MIR2052HG: variants seen among roughly 807,000 people sequenced by gnomAD.
MIR2052HG encodes the protein MIR2052 host gene.
At chr8:74,604,314 CA>C in intron 1 of MIR2052HG, 4 of 501,240 alleles carry the variant, frequency 8.0e-6, no homozygotes, top group East Asian at 5.0e-5. Context: ...GGGTGAAAGC[CA>C]AAAACTGCTG....
At chr8:74,722,862 G>A (rs1409614669) in intron 4 of MIR2052HG, among the ~76,000 whole-genome samples, 11 of 152,164 alleles carry the variant, frequency 7.2e-5, no homozygotes, top group African/African-American at 4.8e-5. Flanking sequence ...AAGATTACAC[G>A]GCTAGTATGT....
At chr8:74,647,596 A>G (rs1808703525) in intron 2 of MIR2052HG, among the ~76,000 whole-genome samples, 1 of 152,196 alleles carries the variant, frequency 6.6e-6, no homozygotes, top group African/African-American at 2.4e-5. Context: ...GAACTGAAAA[A>G]CTGAAATTGG....
chr8:74,698,110 T>C (rs1318067195), intron 2 of MIR2052HG, among the ~76,000 whole-genome samples: 7 of 152,132 alleles, frequency 4.6e-5, no homozygotes, highest in Non-Finnish European at 1.0e-4. Context: ...CAAACCATAC[T>C]GTAAGGCCAT....
In MIR2052HG at chr8:74,689,875, G is replaced by A. The variant is rs117129991; in HGVS notation, n.217-12504G>A. On this transcript the variant is annotated intron_variant and non_coding_transcript_variant, in intron 2 of 6. Transcript: ENST00000523442. ...TTCTGGGGATAGAGACATGAAGAAG[G>A]CAGAGACATTTTGTGACCTCACAGC... 3.9e-4 allele frequency among the ~76,000 whole-genome samples: 59 copies of A among 152,300 alleles called. No homozygotes were observed. The East Asian group carries it at 0.011, about 28-fold the overall frequency.
intron 2 of MIR2052HG, among the ~76,000 whole-genome samples, chr8:74,613,771 G>C (rs527744310): frequency 1.3e-4 from 20 of 152,332 alleles, no homozygotes; most frequent in African/African-American, 3.8e-4. Flanking sequence ...ACCGGCATAA[G>C]CTGCCATGCC....
chr8:74,623,343 C>T (rs757412363), intron 2 of MIR2052HG, among the ~76,000 whole-genome samples: 34 of 152,022 alleles, frequency 2.2e-4, no homozygotes, highest in African/African-American at 3.4e-4. Context: ...ACATTTTACA[C>T]GGAGGGAACA....
chr8:74,747,970 A>G (rs575452813), intron 4 of MIR2052HG, among the ~76,000 whole-genome samples: 2 of 152,178 alleles, frequency 1.3e-5, no homozygotes, highest in South Asian at 4.1e-4. Flanking sequence ...CAAATTTTTC[A>G]TTCTCATGGT....
intron 4 of MIR2052HG, among the ~76,000 whole-genome samples, chr8:74,738,633 A>G (rs1054365612): frequency 3.3e-5 from 5 of 152,190 alleles, no homozygotes; most frequent in Non-Finnish European, 7.3e-5. Flanking sequence ...TTGGTGCTCA[A>G]TGGGCTTTGT....
chr8:74,730,493 C>T (rs539933073), intron 4 of MIR2052HG, among the ~76,000 whole-genome samples: 59 of 152,150 alleles, frequency 3.9e-4, no homozygotes, highest in African/African-American at 1.3e-3. Flanking sequence ...ATATGAATTT[C>T]GAATAGTCAT....
chr8:74,668,325 C>T (rs1318369500), intron 2 of MIR2052HG, among the ~76,000 whole-genome samples: 1 of 151,134 alleles, frequency 6.6e-6, no homozygotes, highest in East Asian at 1.9e-4. Flanking sequence ...TATATATGTA[C>T]ACACACACAC....
intron 1 of MIR2052HG, chr8:74,612,478 T>G (rs1808211693): frequency 5.9e-6 from 1 of 170,760 alleles, no homozygotes; most frequent in Non-Finnish European, 1.3e-5. Context: ...AGAGAATAAC[T>G]GTAGTTGAGC....
chr8:74,604,583 CT>C (rs35641908), intron 1 of MIR2052HG, among the ~76,000 whole-genome samples: 606 of 49,970 alleles, frequency 0.012, 4 homozygotes, highest in African/African-American at 0.029. Context: ...TGTTTCTTTA[CT>C]TTTTTTTTTT....
At chr8:74,684,163 C>T (rs1264760898) in intron 2 of MIR2052HG, among the ~76,000 whole-genome samples, 1 of 152,084 alleles carries the variant, frequency 6.6e-6, no homozygotes, top group Non-Finnish European at 1.5e-5. Context: ...AGCACTGCCT[C>T]AATAATGCTG....
chr8:74,756,247 G>A (rs1251681544), intron 5 of MIR2052HG, among the ~76,000 whole-genome samples: 1 of 152,178 alleles, frequency 6.6e-6, no homozygotes, highest in South Asian at 2.1e-4. Flanking sequence ...TCTGTCTCCA[G>A]CCCCACTCCA....
At chr8:74,633,336 C>G (rs1808542497) in intron 2 of MIR2052HG, 1 of 152,158 alleles carries the variant, frequency 6.6e-6, no homozygotes, top group African/African-American at 2.4e-5. Flanking sequence ...ACATCCCACT[C>G]TTAATTCCTC....
At chr8:74,664,250 G>A (rs1007521269) in intron 2 of MIR2052HG, among the ~76,000 whole-genome samples, 5 of 151,232 alleles carry the variant, frequency 3.3e-5, no homozygotes, top group African/African-American at 1.2e-4. Flanking sequence ...ACCAAAAACT[G>A]CATGTACCCC....
chr8:74,626,997 T>A (rs1249138054), intron 2 of MIR2052HG, among the ~76,000 whole-genome samples: 2 of 152,236 alleles, frequency 1.3e-5, no homozygotes, highest in Non-Finnish European at 2.9e-5. Flanking sequence ...AATATTCTAC[T>A]CTCCTCTGGC....
chr8:74,650,912 A>G (rs914137619), intron 2 of MIR2052HG, among the ~76,000 whole-genome samples: 7 of 152,174 alleles, frequency 4.6e-5, no homozygotes, highest in African/African-American at 1.4e-4. Flanking sequence ...CATAAAGTGA[A>G]ATATTAAAGT....
intron 4 of MIR2052HG, among the ~76,000 whole-genome samples, chr8:74,710,782 A>G (rs1809459474): frequency 6.6e-6 from 1 of 152,204 alleles, no homozygotes; most frequent in African/African-American, 2.4e-5. Context: ...GCTTTTAACC[A>G]GATTTCATTT....
Sources: gnomAD v4.1 joint callset for allele counts (sites outside exome capture counted in the v4.1 genomes callset) on GRCh38, gnomAD v4.1.1 for gene constraint, MANE v1.5 for transcripts, NCBI Gene and HGNC (gene_info 2026-07-23, HGNC 2026-07-21) for gene names.